The following ENO4 variants were observed in gnomAD, a reference collection of about 807,000 sequenced individuals.
The protein encoded by ENO4 is enolase 4.
ENO4 carries 53 observed loss-of-function variants against 63.2 expected under a neutral mutation model. The observed-to-expected ratio is 0.84, with a 90% CI of 0.67 to 1.05. The LOEUF (loss-of-function observed/expected upper bound fraction) is 1.05, where lower values mean the gene tolerates loss of function less well. Among genes scored for constraint, ENO4 ranks in the 50% least tolerant of loss-of-function variants. ENO4 has a pLI of 0.00. For synonymous variants in ENO4, 266 were observed against 283.8 expected (o/e 0.94, Z 0.63); for missense variants, 719 against 772.0 (o/e 0.93, Z 0.81).
intron 10 of ENO4, chr10:116,906,552 T>C: frequency 4.2e-6 from 6 of 1,415,080 alleles, no homozygotes; most frequent in Non-Finnish European, 5.7e-6. Context: ...AAAGATTGTT[T>C]CATGTAAAAA....
chr10:116,862,213 C>T (rs1846434562), intron 6 of ENO4, among the ~76,000 whole-genome samples: 1 of 152,146 alleles, frequency 6.6e-6, no homozygotes. Context: ...CCTGTAATCC[C>T]AGCACTTTGG....
chr10:116,902,835 G>A (rs1213537973), intron 10 of ENO4, among the ~76,000 whole-genome samples: 1 of 152,212 alleles, frequency 6.6e-6, no homozygotes, highest in Non-Finnish European at 1.5e-5. Flanking sequence ...AAACTTGGGT[G>A]TCTCTTGGGT....
chr10:116,910,344 C>T (rs1848140404), intron 10 of ENO4, among the ~76,000 whole-genome samples: 1 of 152,186 alleles, frequency 6.6e-6, no homozygotes, highest in Middle Eastern at 3.4e-3. Flanking sequence ...AAGATAGATC[C>T]AAGGCAAGAA....
At chr10:116,912,152 T>G (rs973567985), downstream of ENO4, among the ~76,000 whole-genome samples, 1 of 152,230 alleles carries the variant, frequency 6.6e-6, no homozygotes, top group African/African-American at 2.4e-5. Flanking sequence ...GACATCGGAT[T>G]TCAAAGATCT....
chr10:116,853,052 T>C (rs887013901), intron 1 of ENO4, among the ~76,000 whole-genome samples: 5 of 151,892 alleles, frequency 3.3e-5, no homozygotes, highest in African/African-American at 1.2e-4. Context: ...TCCCAGCACT[T>C]TGGGAGGCTG....
At chr10:116,911,365 C>A in intron 10 of ENO4, 3 of 1,191,624 alleles carry the variant, frequency 2.5e-6, no homozygotes, top group South Asian at 1.7e-5. Context: ...AGACTGTGAC[C>A]CTGATATGAA....
In ENO4 at chr10:116,882,277, C is replaced by A. The variant is rs1382236066; in HGVS notation, c.*608C>A. 1 of 151,628 alleles carries A rather than the reference C, an allele frequency of 6.6e-6. No individual in the cohort carries two copies. The highest frequency in any genetic ancestry group is 6.6e-5 in the Admixed American group (1 of 15,216). 9.4% of individuals were successfully genotyped at this position (151,628 alleles called of 1,614,324 possible). A position where few individuals can be genotyped will look rare whatever the true frequency, so the allele number is the denominator to read the frequency against. On this transcript the variant is annotated 3_prime_UTR_variant, in exon 14 of 14. Coordinates refer to ENST00000341276, the MANE Select transcript of ENO4 (RefSeq NM_001242699.2). ...TTTATCTTTGCGAGTCTTCTTAGAT[C>A]CTTTTTGGAGTAAGAATGAGTATAA...
intron 12 of ENO4, among the ~76,000 whole-genome samples, chr10:116,879,576 G>C (rs1846939023): frequency 6.6e-6 from 1 of 152,104 alleles, no homozygotes; most frequent in African/African-American, 2.4e-5. Flanking sequence ...TAAATGACTG[G>C]GGTGTGCACC....
downstream of ENO4, chr10:116,882,969 T>TACAAACACAC (rs375723511): frequency 7.2e-6 from 1 of 138,520 alleles, no homozygotes; most frequent in East Asian, 2.0e-4. Flanking sequence ...CTTTGAAAAA[T>TACAAACACAC]ACACACACAC....
At chr10:116,910,876 C>G (rs1848164506) in intron 10 of ENO4, among the ~76,000 whole-genome samples, 1 of 152,236 alleles carries the variant, frequency 6.6e-6, no homozygotes, top group Non-Finnish European at 1.5e-5. Context: ...TAATCCCACT[C>G]ACTTAAAACT....
At chr10:116,879,737 TAA>T in intron 12 of ENO4, 130 bp from the exon 13 acceptor site, 2 of 714,320 alleles carry the variant, frequency 2.8e-6, no homozygotes, top group Admixed American at 2.9e-5. Context: ...TGTGCTTACA[TAA>T]AGATAAAAAA....
chr10:116,876,030 G>A (rs1383009591), intron 10 of ENO4, 35 bp from the exon 11 acceptor site: 1 of 1,409,312 alleles, frequency 7.1e-7, no homozygotes, highest in African/African-American at 1.4e-5. Flanking sequence ...TATGTTCAAT[G>A]CATTATAATG....
At chr10:116,894,884 G>T (rs556205591) in intron 10 of ENO4, among the ~76,000 whole-genome samples, 4 of 152,270 alleles carry the variant, frequency 2.6e-5, no homozygotes, top group African/African-American at 9.6e-5. Flanking sequence ...AAACTCTTAA[G>T]CCTCTGCCTG....
At chr10:116,883,882 A>T (rs1388599564), downstream of ENO4, 1 of 199,452 alleles carries the variant, frequency 5.0e-6, no homozygotes, top group African/African-American at 2.4e-5. Flanking sequence ...CACATACAAA[A>T]GGGTGCAAGT....
intron 8 of ENO4, among the ~76,000 whole-genome samples, chr10:116,869,165 C>T (rs1564849725): frequency 6.6e-6 from 1 of 152,228 alleles, no homozygotes; most frequent in Non-Finnish European, 1.5e-5. Context: ...GCAGGAACTC[C>T]GATTTTGCCA....
rs1309727410 is a variant in ENO4 at position 116,881,565 on chromosome 10, G to C, written c.1774G>C (p.Ala592Pro). Residue 592 changes from alanine (A) to proline (P), a missense_variant, in exon 14 of 14, where the codon GCT becomes CCT. Ala to Pro is a conservative substitution (Grantham distance 27). Transcript: ENST00000341276. ...FFYFNEEAEK[A>P]AEALEAAAAR... ...TTACTTTAATGAGGAAGCTGAAAAGGCTGCGGAGGCACTTGAGGCTGCTGC... is the reference window on the plus strand; with the variant it reads ...TTACTTTAATGAGGAAGCTGAAAAGCCTGCGGAGGCACTTGAGGCTGCTGC... 1.3e-6 allele frequency: 2 copies of C among 1,550,162 alleles called. No individual in the cohort carries two copies. The highest frequency in any genetic ancestry group is 1.7e-6 in the Non-Finnish European group (2 of 1,146,832).
At chr10:116,856,299 T>A (rs1050363864) in intron 2 of ENO4, among the ~76,000 whole-genome samples, 193 bp from the exon 3 acceptor site, 5 of 152,194 alleles carry the variant, frequency 3.3e-5, no homozygotes, top group African/African-American at 1.2e-4. Flanking sequence ...TCTAAGGGTA[T>A]TTTAAGTGTT....
chr10:116,886,302 T>C, downstream of ENO4: 3 of 1,551,390 alleles, frequency 1.9e-6, no homozygotes, highest in South Asian at 1.2e-5. Flanking sequence ...CATGTGCTTA[T>C]TGAAAAGGAC....
At chr10:116,907,260 C>G (rs1037832454) in intron 10 of ENO4, among the ~76,000 whole-genome samples, 2 of 152,142 alleles carry the variant, frequency 1.3e-5, no homozygotes, top group African/African-American at 4.8e-5. Flanking sequence ...ACATAATGCT[C>G]TCCAGGGGCC....
Sources: gnomAD v4.1 joint callset for allele counts (sites outside exome capture counted in the v4.1 genomes callset) on GRCh38, gnomAD v4.1.1 for gene constraint, MANE v1.5 for transcripts, NCBI Gene and HGNC (gene_info 2026-07-23, HGNC 2026-07-21) for gene names.